The following NIPBL variants were observed in gnomAD, a reference collection of about 807,000 sequenced individuals.
The protein encoded by NIPBL is NIPBL cohesin loading factor.
NIPBL carries 19 observed loss-of-function variants against 321.8 expected under a neutral mutation model. The observed-to-expected ratio is 0.06, with a 90% CI of 0.04 to 0.09. NIPBL has a LOEUF of 0.09. NIPBL is among the 10% of genes least tolerant of loss of function. NIPBL has a pLI of 1.00. For missense variants in NIPBL, 2,210 were observed against 3,327.0 expected (o/e 0.66, Z 8.26); for synonymous variants, 1,106 against 1,114.1 (o/e 0.99, Z 0.14).
chr5:36,947,771 T>A (rs1739848504), intron 1 of NIPBL, among the ~76,000 whole-genome samples: 1 of 151,932 alleles, frequency 6.6e-6, no homozygotes. Flanking sequence ...GGAGTACAGA[T>A]AGAAATACCA....
intron 1 of NIPBL, among the ~76,000 whole-genome samples, chr5:36,898,827 A>G (rs1746984901): frequency 6.6e-6 from 1 of 151,978 alleles, no homozygotes; most frequent in African/African-American, 2.4e-5. Context: ...TGATTCTAAA[A>G]CTTAGTTTTA....
intron 43 of NIPBL, among the ~76,000 whole-genome samples, chr5:37,057,857 T>C (rs1371679028): frequency 6.6e-6 from 1 of 152,224 alleles, no homozygotes; most frequent in Non-Finnish European, 1.5e-5. Context: ...TTAGGAGGAA[T>C]GTAATTTATT....
chr5:36,950,763 C>A (rs577776958), intron 1 of NIPBL, among the ~76,000 whole-genome samples: 8 of 152,146 alleles, frequency 5.3e-5, no homozygotes, highest in African/African-American at 1.9e-4. Flanking sequence ...GCCAAGCAGT[C>A]CAAAACATTA....
intron 14 of NIPBL, among the ~76,000 whole-genome samples, chr5:37,001,654 A>G (rs1253916199): frequency 6.6e-6 from 1 of 152,160 alleles, no homozygotes; most frequent in Admixed American, 6.5e-5. Flanking sequence ...GAGATGTAAA[A>G]ATAACTAAAA....
At position 36,961,554 on chromosome 5, in the gene NIPBL, A is replaced by G; in HGVS notation, c.429A>G (p.Gln143=). 3 of 1,608,490 alleles carry G rather than the reference A, an allele frequency of 1.9e-6. No individual in the cohort carries two copies. Among genetic ancestry groups the G allele is most frequent in the African/African-American group, 2.7e-5 (2 of 74,938 alleles). Residue 143 remains glutamine, a synonymous_variant, in exon 5 of 47, where the codon CAA becomes CAG. Transcript: ENST00000282516. ...MHSSPASSNY[Q]QTTISHSPSS... ...GTAGTCCTGCATCTTCCAATTATCA[A>G]CAAACCACTATCTCACATAGCCCCT...
At position 37,065,017 on chromosome 5, in the gene NIPBL, C is replaced by A; in HGVS notation, c.*125C>A. 1 of 1,147,496 alleles carries A rather than the reference C, an allele frequency of 8.7e-7. No individual in the cohort carries two copies. Among genetic ancestry groups the A allele is most frequent in the Non-Finnish European group, 1.3e-6 (1 of 790,870 alleles). 71.1% of individuals were successfully genotyped at this position (1,147,496 alleles called of 1,614,324 possible). A position where few individuals can be genotyped will look rare whatever the true frequency, so the allele number is the denominator to read the frequency against. On this transcript the variant is annotated 3_prime_UTR_variant, in exon 47 of 47. Coordinates refer to ENST00000282516, the MANE Select transcript of NIPBL (RefSeq NM_133433.4). ...GTAAGTGGAACCTGGGATGCAGGAA[C>A]AAAAGAAGGAAATGTTGGGCAAACA...
intron 27 of NIPBL, among the ~76,000 whole-genome samples, chr5:37,021,837 A>G (rs1749682625): frequency 6.6e-6 from 1 of 152,260 alleles, no homozygotes; most frequent in Non-Finnish European, 1.5e-5. Context: ...TTAATTGGAT[A>G]AACGAAAGGC....
intron 1 of NIPBL, among the ~76,000 whole-genome samples, chr5:36,936,403 C>T (rs952527504): frequency 5.9e-5 from 9 of 152,152 alleles, no homozygotes; most frequent in Middle Eastern, 3.4e-3. Flanking sequence ...CAGTTGGCTA[C>T]GTATACAGTA....
At chr5:37,049,913 G>T (rs1753351914) in intron 40 of NIPBL, among the ~76,000 whole-genome samples, 1 of 152,074 alleles carries the variant, frequency 6.6e-6, no homozygotes, top group African/African-American at 2.4e-5. Context: ...TACCCTTCAA[G>T]ATTTTTATTT....
intron 1 of NIPBL, among the ~76,000 whole-genome samples, chr5:36,922,583 G>A (rs1177433850): frequency 6.6e-6 from 1 of 152,116 alleles, no homozygotes; most frequent in Non-Finnish European, 1.5e-5. Context: ...CACTCTGGCT[G>A]TCTAATGGTG....
chr5:36,997,660 G>C (rs1421110925), intron 11 of NIPBL, among the ~76,000 whole-genome samples: 1 of 152,154 alleles, frequency 6.6e-6, no homozygotes, highest in Non-Finnish European at 1.5e-5. Flanking sequence ...GAGATGTCAG[G>C]AGTAGCTTCC....
intron 34 of NIPBL, among the ~76,000 whole-genome samples, chr5:37,041,572 T>A (rs1398341520): frequency 6.7e-6 from 1 of 149,478 alleles, no homozygotes; most frequent in Non-Finnish European, 1.5e-5. Context: ...GCCTATTTCT[T>A]TTTTTTTTAA....
intron 10 of NIPBL, among the ~76,000 whole-genome samples, chr5:36,994,858 GTCT>G (rs530771646): frequency 6.4e-4 from 89 of 138,172 alleles, no homozygotes; most frequent in East Asian, 3.7e-3. Flanking sequence ...TTATTGTCTT[GTCT>G]TCTTTTTTAT....
intron 1 of NIPBL, among the ~76,000 whole-genome samples, chr5:36,923,405 A>G (rs564401159): frequency 3.3e-4 from 50 of 152,286 alleles, no homozygotes; most frequent in Non-Finnish European, 7.4e-5. Context: ...CCTTTCATGG[A>G]TAAGTTGAGG....
intron 1 of NIPBL, chr5:36,886,514 T>C: frequency 1.4e-6 from 1 of 739,844 alleles, no homozygotes; most frequent in Non-Finnish European, 2.4e-6. Flanking sequence ...AGAAGCAGGG[T>C]ACCCTTTGGG....
At position 36,996,222 on chromosome 5, in the gene NIPBL, T is replaced by C. The variant is rs1270337511; in HGVS notation, c.3304+418T>C. Among the ~76,000 whole-genome samples the C allele has an allele frequency of 1.3e-5, 2 of 152,180 alleles. No homozygotes were observed. The highest frequency in any genetic ancestry group is 2.9e-5 in the Non-Finnish European group (2 of 68,016). On this transcript the variant is annotated intron_variant, in intron 11 of 46. Transcript: ENST00000282516. This position sits in a 1 kb window ranked among gnomAD's most constrained non-coding sequence, Gnocchi z 5.0. Reference sequence around the variant, plus strand: ...TGATAACAGTAAATCCAGGGTGCTATGGGAACACATTGGATTGGCATCAAA... The same window carrying C: ...TGATAACAGTAAATCCAGGGTGCTACGGGAACACATTGGATTGGCATCAAA...
intron 1 of NIPBL, among the ~76,000 whole-genome samples, chr5:36,934,022 G>A (rs772377545): frequency 1.3e-5 from 2 of 152,056 alleles, no homozygotes; most frequent in African/African-American, 2.4e-5. Flanking sequence ...AGTTTAACAT[G>A]TAAAGATCAT....
chr5:36,996,484 C>G lies in NIPBL; in HGVS notation c.3304+680C>G. 2.2e-6 allele frequency: 1 copy of G among 456,670 alleles called. No homozygotes were observed. The highest frequency in any genetic ancestry group is 4.4e-6 in the Non-Finnish European group (1 of 226,944). The allele number at this position is 456,670 out of a possible 1,614,324, so 28.3% of individuals were successfully genotyped here. Reference sequence around the variant, plus strand: ...CACTGTTTTCCAGAGCTGGCTTCTTCACTACACAGCTACCTCTCTACAACA... The same window carrying G: ...CACTGTTTTCCAGAGCTGGCTTCTTGACTACACAGCTACCTCTCTACAACA... On this transcript the variant is annotated intron_variant, in intron 11 of 46. Coordinates refer to ENST00000282516, the MANE Select transcript of NIPBL (RefSeq NM_133433.4). The surrounding 1 kb of genome is among the most constrained non-coding windows in gnomAD (Gnocchi z 5.0).
rs1217429884 is a variant in NIPBL, at chr5:36,876,922, G to C, written c.-336G>C. On this transcript the variant is annotated 5_prime_UTR_variant, in exon 1 of 47. Transcript: ENST00000282516. ...CCCGCCGACAGGAGAATTGGTTCCC[G>C]GGCCCGCGGCGATGCCCCCCCGGTA... is the stretch of plus-strand genomic sequence containing the variant. The C allele has an allele frequency of 2.7e-6, 1 of 364,666 alleles. No individual in the cohort carries two copies. The highest frequency in any genetic ancestry group is 4.9e-6 in the Non-Finnish European group (1 of 205,788). 22.6% of individuals were successfully genotyped at this position (364,666 alleles called of 1,614,324 possible). A position where few individuals can be genotyped will look rare whatever the true frequency, so the allele number is the denominator to read the frequency against.
Sources: allele counts gnomAD v4.1 joint callset (sites outside exome capture counted in the v4.1 genomes callset), GRCh38; gene constraint gnomAD v4.1.1; non-coding constraint Gnocchi (gnomAD v3.1); transcripts MANE v1.5; gene names NCBI Gene and HGNC (gene_info 2026-07-23, HGNC 2026-07-21).